Variants in POLR2F observed in about 807,000 individuals in gnomAD.
The protein encoded by POLR2F is DNA-directed RNA polymerases I, II, and III subunit RPABC2.
A neutral mutation model predicts 22.7 loss-of-function variants in POLR2F; 12 were observed. That is an observed-to-expected ratio of 0.53 (90% CI 0.34 to 0.86). POLR2F has a LOEUF of 0.86. POLR2F is among the 40% of genes least tolerant of loss of function. The probability of loss-of-function intolerance (pLI) is 0.02; values close to 1 mark genes in which losing one functional copy is unlikely to be tolerated. For synonymous variants in POLR2F, 57 were observed against 66.0 expected (o/e 0.86, Z 0.66); for missense variants, 126 against 171.5 (o/e 0.73, Z 1.48).
chr22:37,956,535 G>GC, intron 1 of POLR2F, among the ~76,000 whole-genome samples: 1 of 151,570 alleles, frequency 6.6e-6, no homozygotes, highest in Non-Finnish European at 1.5e-5. Flanking sequence ...TTGTGACTCA[G>GC]CCCCCCAAGT....
rs3026653 is a variant in POLR2F at position 37,991,926 on chromosome 22, A to C, written c.120+5614A>C. On this transcript the variant is annotated intron_variant, in intron 1 of 2. Coordinates refer to the POLR2F transcript ENST00000333418. The stretch of plus-strand genomic sequence containing the variant: ...TCCTCCGTGGTGCCTGTTACATAGG[A>C]GTGACGTCAGCAGATGAAGGGCTTG... Among the ~76,000 whole-genome samples the C allele has an allele frequency of 9.3e-3, 1,418 of 152,226 alleles. 18 individuals are homozygous for C. Among genetic ancestry groups the C allele is most frequent in the African/African-American group, 0.028 (1,153 of 41,520 alleles).
chr22:38,008,318 G>C (rs1467521641), intron 1 of POLR2F, among the ~76,000 whole-genome samples: 1 of 151,964 alleles, frequency 6.6e-6, no homozygotes, highest in African/African-American at 2.4e-5. Flanking sequence ...GAGAGCCCCA[G>C]GTGGGCGGAT....
chr22:38,024,003 G>A (rs754515401), intron 1 of POLR2F, among the ~76,000 whole-genome samples: 10 of 151,920 alleles, frequency 6.6e-5, no homozygotes, highest in African/African-American at 2.2e-4. Flanking sequence ...CACCATGCCC[G>A]GTTAATTTTT....
At chr22:38,010,877 A>G (rs2145809607) in intron 1 of POLR2F, among the ~76,000 whole-genome samples, 1 of 152,250 alleles carries the variant, frequency 6.6e-6, no homozygotes, top group African/African-American at 2.4e-5. Context: ...TTGGCCTCCC[A>G]AAGTGCTGGG....
upstream of POLR2F, among the ~76,000 whole-genome samples, chr22:37,982,137 C>T (rs551475669): frequency 4.6e-5 from 7 of 152,280 alleles, no homozygotes; most frequent in Admixed American, 4.6e-4. Flanking sequence ...CTTCTTGCTT[C>T]CCCCCAACCT....
At chr22:37,977,977 T>G in intron 4 of POLR2F, 1 of 1,612,072 alleles carries the variant, frequency 6.2e-7, no homozygotes, top group South Asian at 1.1e-5. Flanking sequence ...CCCACCTTGC[T>G]CGGCCTCCCC....
chr22:38,041,087 G>A, exon 6 of POLR2F: 2 of 1,612,964 alleles, frequency 1.2e-6, no homozygotes, highest in Non-Finnish European at 1.7e-6. Context: ...GCTCAGAGAG[G>A]AGTGACTCGC....
At chr22:37,965,109 G>A (rs1031357793) in intron 3 of POLR2F, among the ~76,000 whole-genome samples, 2 of 151,862 alleles carry the variant, frequency 1.3e-5, no homozygotes, top group Admixed American at 6.6e-5. Context: ...TGGTTCAAGC[G>A]ATTCTCATGC....
intron 1 of POLR2F, among the ~76,000 whole-genome samples, chr22:37,956,096 G>C (rs139990790): frequency 1.3e-5 from 2 of 151,300 alleles, no homozygotes; most frequent in South Asian, 2.1e-4. Context: ...GCGGTGGCGG[G>C]GGGGGGTTTT....
At chr22:38,040,026 C>G (rs1379214257) in intron 5 of POLR2F, among the ~76,000 whole-genome samples, 1 of 152,078 alleles carries the variant, frequency 6.6e-6, no homozygotes, top group Non-Finnish European at 1.5e-5. Context: ...GTAGTCCCAG[C>G]ACTTTAGTAG....
intron 1 of POLR2F, among the ~76,000 whole-genome samples, chr22:38,012,282 A>G (rs1271560745): frequency 6.6e-6 from 1 of 152,054 alleles, no homozygotes; most frequent in Non-Finnish European, 1.5e-5. Context: ...GGGTTTTGCC[A>G]TATTGGCCAG....
At chr22:37,976,458 T>C (rs1363180953) in intron 4 of POLR2F, among the ~76,000 whole-genome samples, 1 of 152,356 alleles carries the variant, frequency 6.6e-6, no homozygotes, top group East Asian at 1.9e-4. Flanking sequence ...CTCTGGTTAG[T>C]ACCCCTGGTG....
At chr22:38,025,623 C>T in intron 1 of POLR2F, 2 of 1,559,152 alleles carry the variant, frequency 1.3e-6, no homozygotes, top group Non-Finnish European at 1.7e-6. Context: ...CCCTCCTACG[C>T]ACTGGCCCAC....
At chr22:38,002,028 T>G (rs554079662) in intron 1 of POLR2F, among the ~76,000 whole-genome samples, 1 of 152,092 alleles carries the variant, frequency 6.6e-6, no homozygotes, top group South Asian at 2.1e-4. Flanking sequence ...TTTTGTATTT[T>G]TAGTAGAGAC....
chr22:37,972,283 G>A, downstream of POLR2F: 1 of 1,294,204 alleles, frequency 7.7e-7, no homozygotes, highest in Non-Finnish European at 1.0e-6. Context: ...GAGATGAAGA[G>A]ACAGGCCAGG....
At chr22:38,014,878 G>A (rs1340391037) in intron 1 of POLR2F, among the ~76,000 whole-genome samples, 1 of 148,912 alleles carries the variant, frequency 6.7e-6, no homozygotes, top group East Asian at 2.0e-4. Flanking sequence ...CGCGATCTTG[G>A]CTAACTGCAA....
At chr22:37,956,682 A>G in intron 1 of POLR2F, 91 bp from the exon 2 acceptor site, 1 of 1,022,834 alleles carries the variant, frequency 9.8e-7, no homozygotes, top group Non-Finnish European at 1.5e-6. Context: ...CTCCGAAAGT[A>G]CCAGGATTAC....
chr22:37,991,616 T>C (rs1601893939), intron 1 of POLR2F, among the ~76,000 whole-genome samples: 1 of 152,302 alleles, frequency 6.6e-6, no homozygotes, highest in South Asian at 2.1e-4. Context: ...AGTTTCACCC[T>C]GTTCTGGAGA....
intron 1 of POLR2F, among the ~76,000 whole-genome samples, chr22:37,991,907 G>C (rs139891): frequency 6.6e-6 from 1 of 151,974 alleles, no homozygotes; most frequent in African/African-American, 2.4e-5. Context: ...CACCTCCTCC[G>C]TGGTGCCTGT....
Sources: gnomAD v4.1 joint callset for allele counts (sites outside exome capture counted in the v4.1 genomes callset) on GRCh38, gnomAD v4.1.1 for gene constraint, MANE v1.5 for transcripts, NCBI Gene and HGNC (gene_info 2026-07-23, HGNC 2026-07-21) for gene names.